SNTG1: variants seen among roughly 807,000 people sequenced by gnomAD.
The protein encoded by SNTG1 is syntrophin gamma 1.
A neutral mutation model predicts 74.7 loss-of-function variants in SNTG1; 39 were observed. That is an observed-to-expected ratio of 0.52 (90% CI 0.40 to 0.68). The LOEUF is 0.68. Among genes scored for constraint, SNTG1 ranks in the 30% least tolerant of loss-of-function variants. The probability of loss-of-function intolerance (pLI) is 0.00; values close to 1 mark genes in which losing one functional copy is unlikely to be tolerated. For missense variants in SNTG1, 685 were observed against 609.5 expected, an observed-to-expected ratio of 1.12 and a Z score of -1.30; for synonymous variants, 254 against 217.1, an observed-to-expected ratio of 1.17 and a Z score of -1.49.
chr8:49,918,250 A>G (rs1186043540), intron 1 of SNTG1, among the ~76,000 whole-genome samples: 3 of 152,194 alleles, frequency 2.0e-5, no homozygotes, highest in Non-Finnish European at 2.9e-5. Flanking sequence ...TGAATGGGCA[A>G]AAGTTTTGTG....
intron 1 of SNTG1, among the ~76,000 whole-genome samples, chr8:49,976,721 A>G (rs753623837): frequency 1.3e-5 from 2 of 152,194 alleles, no homozygotes; most frequent in African/African-American, 2.4e-5. Context: ...GTGAGCCCAC[A>G]GGTTAGAGGA....
intron 2 of SNTG1, among the ~76,000 whole-genome samples, chr8:50,374,845 A>G (rs370291936): frequency 6.6e-6 from 1 of 152,324 alleles, no homozygotes; most frequent in African/African-American, 2.4e-5. Flanking sequence ...TTTAGATCAA[A>G]TTGGAAGTTG....
intron 2 of SNTG1, among the ~76,000 whole-genome samples, chr8:50,210,871 AC>A (rs2084488522): frequency 6.6e-6 from 1 of 152,208 alleles, no homozygotes; most frequent in South Asian, 2.1e-4. Context: ...TAAAAAATGT[AC>A]CATATTAGAA....
intron 2 of SNTG1, among the ~76,000 whole-genome samples, chr8:50,332,285 T>A (rs1211176039): frequency 1.3e-5 from 2 of 152,208 alleles, no homozygotes; most frequent in Non-Finnish European, 2.9e-5. Context: ...TTATTCATTT[T>A]TTCCAGAAGA....
chr8:50,755,073 G>C (rs1324979678), intron 18 of SNTG1, among the ~76,000 whole-genome samples: 1 of 151,646 alleles, frequency 6.6e-6, no homozygotes, highest in Admixed American at 6.6e-5. Context: ...CCAGAGGGGG[G>C]GATGAAGTTA....
At chr8:50,153,999 A>C (rs2082165690) in intron 1 of SNTG1, among the ~76,000 whole-genome samples, 2 of 152,138 alleles carry the variant, frequency 1.3e-5, no homozygotes, top group Non-Finnish European at 2.9e-5. Flanking sequence ...CTGCCTCCAG[A>C]GGTGGAGTCT....
At position 50,115,576 on chromosome 8, in the gene SNTG1, A is replaced by AAAAAAAAAC. The variant is rs1554580683; in HGVS notation, c.-102-56977_-102-56976insCAAAAAAAA. Among the ~76,000 whole-genome samples the AAAAAAAAAC allele has an allele frequency of 3.6e-5, 3 of 82,908 alleles. 1 individual carries two copies. The highest frequency in any genetic ancestry group is 1.8e-4 in the Admixed American group (1 of 5,430). 54.4% of individuals were successfully genotyped at this position (82,908 alleles called of 152,430 possible). ...GAGCGAGACTCTGTCTCAAAAAAAA[A>AAAAAAAAAC]AAAAAAAAAAACGAGATGGTTGAAG... is the stretch of plus-strand genomic sequence containing the variant. On this transcript the variant is annotated intron_variant, in intron 1 of 18. Coordinates refer to ENST00000642720, the MANE Select transcript of SNTG1 (RefSeq NM_018967.5).
At chr8:50,009,587 T>G (rs1815573485) in intron 1 of SNTG1, among the ~76,000 whole-genome samples, 1 of 152,216 alleles carries the variant, frequency 6.6e-6, no homozygotes, top group Admixed American at 6.5e-5. Flanking sequence ...TATATTTGTC[T>G]GTAGCAAATT....
intron 1 of SNTG1, among the ~76,000 whole-genome samples, chr8:50,138,660 A>G (rs1177008934): frequency 1.3e-5 from 2 of 148,960 alleles, no homozygotes; most frequent in Non-Finnish European, 3.0e-5. Flanking sequence ...AATAATAATA[A>G]TAATAATAAT....
At chr8:50,073,960 T>C (rs1821601534) in intron 1 of SNTG1, among the ~76,000 whole-genome samples, 2 of 150,118 alleles carry the variant, frequency 1.3e-5, no homozygotes, top group Admixed American at 1.3e-4. Context: ...TTCGCATCCT[T>C]CTTAAGGGCC....
chr8:50,233,257 CA>C (rs2085722967), intron 2 of SNTG1, among the ~76,000 whole-genome samples: 1 of 151,388 alleles, frequency 6.6e-6, no homozygotes, highest in Non-Finnish European at 1.5e-5. Context: ...TAGTCACATA[CA>C]AAAATGACCA....
At chr8:49,957,020 C>T (rs1167326928) in intron 1 of SNTG1, among the ~76,000 whole-genome samples, 2 of 152,154 alleles carry the variant, frequency 1.3e-5, no homozygotes, top group African/African-American at 2.4e-5. Flanking sequence ...AATGGAGGGA[C>T]TTTGGTTAAA....
intron 1 of SNTG1, among the ~76,000 whole-genome samples, chr8:49,924,185 G>T (rs978240300): frequency 1.3e-5 from 2 of 151,932 alleles, no homozygotes; most frequent in Non-Finnish European, 2.9e-5. Flanking sequence ...ACAATATATA[G>T]AATTATAAAA....
intron 2 of SNTG1, among the ~76,000 whole-genome samples, chr8:50,273,699 A>T (rs939289911): frequency 3.9e-5 from 6 of 152,166 alleles, no homozygotes; most frequent in Non-Finnish European, 8.8e-5. Context: ...AAGAGATAAG[A>T]GGGTTAACAA....
chr8:50,502,744 A>C, intron 8 of SNTG1, 34 bp from the exon 9 acceptor site: 1 of 1,535,172 alleles, frequency 6.5e-7, no homozygotes, highest in Non-Finnish European at 9.0e-7. Context: ...GATAAATGTA[A>C]TGATGATTGT....
intron 18 of SNTG1, among the ~76,000 whole-genome samples, chr8:50,770,699 C>G (rs527658969): frequency 6.6e-6 from 1 of 151,980 alleles, no homozygotes. Flanking sequence ...GAGGTGGGGC[C>G]TATTGGGAGG....
chr8:50,046,757 G>A (rs1369024941), intron 1 of SNTG1, among the ~76,000 whole-genome samples: 1 of 152,122 alleles, frequency 6.6e-6, no homozygotes, highest in Non-Finnish European at 1.5e-5. Context: ...AATGCTGACT[G>A]TTCAATTTTT....
At chr8:50,558,088 C>T (rs1307881790) in intron 12 of SNTG1, among the ~76,000 whole-genome samples, 1 of 152,168 alleles carries the variant, frequency 6.6e-6, no homozygotes, top group East Asian at 1.9e-4. Context: ...TACTGATGCA[C>T]ATTTCCTCAT....
chr8:50,652,742 A>G (rs2095155614), intron 13 of SNTG1, among the ~76,000 whole-genome samples: 1 of 152,116 alleles, frequency 6.6e-6, no homozygotes, highest in African/African-American at 2.4e-5. Context: ...GGTTGCAGTG[A>G]GCTGAGATCA....
Sources: gnomAD v4.1 joint callset for allele counts (sites outside exome capture counted in the v4.1 genomes callset) on GRCh38, gnomAD v4.1.1 for gene constraint, MANE v1.5 for transcripts, NCBI Gene and HGNC (gene_info 2026-07-23, HGNC 2026-07-21) for gene names.